Variants in HCN1 observed in about 807,000 individuals in gnomAD.
HCN1 encodes hyperpolarization activated cyclic nucleotide gated potassium channel 1, also known as potassium/sodium hyperpolarization-activated cyclic nucleotide-gated channel 1.
Under a neutral mutation model 78.9 loss-of-function variants are expected in HCN1, and 13 were observed. The ratio of observed to expected loss-of-function variants is 0.16; its 90% CI spans 0.11 to 0.26. The LOEUF is 0.26. HCN1 is among the 10% of genes least tolerant of loss of function. The probability of loss-of-function intolerance (pLI) is 1.00; values close to 1 mark genes in which losing one functional copy is unlikely to be tolerated. For missense variants in HCN1, 810 were observed against 1,154.3 expected (o/e 0.70, Z 4.32); for synonymous variants, 552 against 455.5 (o/e 1.21, Z -2.70).
chr5:45,645,063 G>A (rs890634681), intron 2 of HCN1, 122 bp downstream of exon 2: 32 of 702,366 alleles, frequency 4.6e-5, no homozygotes, highest in African/African-American at 1.6e-4. Flanking sequence ...AAGAGTCGTC[G>A]AATACATTTT....
chr5:45,316,052 C>G (rs891538599), intron 5 of HCN1, among the ~76,000 whole-genome samples: 2 of 152,182 alleles, frequency 1.3e-5, no homozygotes, highest in Admixed American at 1.3e-4. Flanking sequence ...GGAATCCTAC[C>G]TAACTCATTT....
At position 45,550,455 on chromosome 5, in the gene HCN1, G is replaced by A. The variant is rs190656434; in HGVS notation, c.850-88448C>T. 1.4e-3 allele frequency among the ~76,000 whole-genome samples: 211 copies of A among 152,062 alleles called. 1 individual carries two copies. Among genetic ancestry groups the A allele is most frequent in the Admixed American group, 9.7e-3 (148 of 15,230 alleles). On this transcript the variant is annotated intron_variant, in intron 2 of 7. Coordinates refer to ENST00000303230, the MANE Select transcript of HCN1 (RefSeq NM_021072.4). ...GGTGGGAATTGAACAATGAGAACAC[G>A]TGGACACAGGAAGGGGAACATCACA...
chr5:45,566,692 C>A (rs375028238), intron 2 of HCN1, among the ~76,000 whole-genome samples: 1 of 152,050 alleles, frequency 6.6e-6, no homozygotes, highest in East Asian at 1.9e-4. Context: ...AAATAAAAGA[C>A]TCCCTTGACT....
At chr5:45,467,337 T>C (rs999516637) in intron 2 of HCN1, among the ~76,000 whole-genome samples, 4 of 152,164 alleles carry the variant, frequency 2.6e-5, no homozygotes, top group Non-Finnish European at 5.9e-5. Context: ...ACACGTTATT[T>C]GTCCAGCTAT....
Position 45,641,018 on chromosome 5 carries a change from A to G in HCN1, c.849+4167T>C, listed in dbSNP as rs994475753. On this transcript the variant is annotated intron_variant, in intron 2 of 7. Coordinates refer to ENST00000303230, the MANE Select transcript of HCN1 (RefSeq NM_021072.4). ...GTGACAATGGTGAGACCAGGGAACA[A>G]TGTGCTGGAGAGACTTGAAGGCACA... 3.9e-5 allele frequency among the ~76,000 whole-genome samples: 6 copies of G among 152,264 alleles called. 1 individual carries two copies. Among genetic ancestry groups the G allele is most frequent in the Middle Eastern group, 6.8e-3 (2 of 294 alleles).
intron 1 of HCN1, among the ~76,000 whole-genome samples, chr5:45,681,131 T>C (rs1739694594): frequency 6.6e-6 from 1 of 152,136 alleles, no homozygotes; most frequent in South Asian, 2.1e-4. Context: ...TTCCATCCCA[T>C]TCCTGTTGGC....
intron 5 of HCN1, among the ~76,000 whole-genome samples, chr5:45,320,086 T>TAA (rs1273699476): frequency 6.6e-6 from 1 of 151,840 alleles, no homozygotes; most frequent in African/African-American, 2.4e-5. Context: ...GAGCTGCTGT[T>TAA]ACATTGCTAA....
At chr5:45,464,610 A>C (rs1219189694) in intron 2 of HCN1, among the ~76,000 whole-genome samples, 3 of 152,182 alleles carry the variant, frequency 2.0e-5, no homozygotes, top group African/African-American at 4.8e-5. Flanking sequence ...TCAACTAGTC[A>C]AACCCATATA....
At chr5:45,371,950 ATAATATAAT>A (rs1209187932) in intron 4 of HCN1, among the ~76,000 whole-genome samples, 1 of 99,024 alleles carries the variant, frequency 1.0e-5, no homozygotes, top group Non-Finnish European at 1.9e-5. Flanking sequence ...AATATATAAT[ATAATATAAT>A]TATATATTAT....
intron 2 of HCN1, among the ~76,000 whole-genome samples, chr5:45,607,579 T>TTATA (rs146363579): frequency 0.048 from 6,183 of 127,828 alleles, 168 homozygotes; most frequent in East Asian, 0.13. Context: ...CACAATATCA[T>TTATA]TATATATATA....
At position 45,534,404 on chromosome 5, in the gene HCN1, C is replaced by CAAAAAAAAAAAAAAAAAAAAA. The variant is rs71000637; in HGVS notation, c.850-72418_850-72398dup. 2.4e-4 allele frequency among the ~76,000 whole-genome samples: 7 copies of CAAAAAAAAAAAAAAAAAAAAA among 29,316 alleles called. 1 individual carries two copies. Among genetic ancestry groups the CAAAAAAAAAAAAAAAAAAAAA allele is most frequent in the African/African-American group, 3.4e-4 (2 of 5,888 alleles). The allele number at this position is 29,316 out of a possible 152,430, so 19.2% of individuals were successfully genotyped here. On this transcript the variant is annotated intron_variant, in intron 2 of 7. Coordinates refer to ENST00000303230, the MANE Select transcript of HCN1 (RefSeq NM_021072.4). ...TGGGCAACAGAGTGAGACTGCATCT[C>CAAAAAAAAAAAAAAAAAAAAA]AAAAAAAAAAAAAAAAAAAAAAAAA...
chr5:45,512,724 A>G (rs1353658245), intron 2 of HCN1, among the ~76,000 whole-genome samples: 1 of 152,114 alleles, frequency 6.6e-6, no homozygotes, highest in Non-Finnish European at 1.5e-5. Context: ...ATTCTACATG[A>G]GCACACTCTG....
intron 5 of HCN1, among the ~76,000 whole-genome samples, chr5:45,313,767 G>A (rs1477933030): frequency 6.6e-6 from 1 of 152,196 alleles, no homozygotes. Flanking sequence ...AAGGGTATCT[G>A]TGACTGAAGA....
At chr5:45,455,127 G>A (rs930060677) in intron 3 of HCN1, among the ~76,000 whole-genome samples, 1 of 151,992 alleles carries the variant, frequency 6.6e-6, no homozygotes, top group African/African-American at 2.4e-5. Context: ...ACCACTGGAT[G>A]AGTTAGAAAA....
chr5:45,627,232 C>G (rs946872014), intron 2 of HCN1, among the ~76,000 whole-genome samples: 1 of 152,112 alleles, frequency 6.6e-6, no homozygotes, highest in South Asian at 2.1e-4. Context: ...AAATATAGAA[C>G]CTGCAAAATC....
chr5:45,493,654 G>A (rs958861960), intron 2 of HCN1, among the ~76,000 whole-genome samples: 5 of 151,040 alleles, frequency 3.3e-5, no homozygotes, highest in Non-Finnish European at 1.5e-5. Context: ...CAATGTGCAG[G>A]TTAGTTACAT....
At chr5:45,677,073 C>A (rs1214522861) in intron 1 of HCN1, among the ~76,000 whole-genome samples, 2 of 151,746 alleles carry the variant, frequency 1.3e-5, no homozygotes, top group Non-Finnish European at 2.9e-5. Context: ...TGGCTAATTC[C>A]TATTTGTCTT....
At chr5:45,628,950 G>A (rs563165335) in intron 2 of HCN1, among the ~76,000 whole-genome samples, 1 of 150,342 alleles carries the variant, frequency 6.7e-6, no homozygotes, top group African/African-American at 2.4e-5. Flanking sequence ...TCCAGCCTGG[G>A]CAACAAGAGT....
intron 2 of HCN1, among the ~76,000 whole-genome samples, chr5:45,593,523 C>T (rs2111949782): frequency 6.6e-6 from 1 of 152,012 alleles, no homozygotes; most frequent in South Asian, 2.1e-4. Context: ...TGGGAATATC[C>T]ACATGTTTAA....
Sources: gnomAD v4.1 joint callset for allele counts (sites outside exome capture counted in the v4.1 genomes callset) on GRCh38, gnomAD v4.1.1 for gene constraint, MANE v1.5 for transcripts, NCBI Gene and HGNC (gene_info 2026-07-23, HGNC 2026-07-21) for gene names.